SULF2: variants seen among roughly 807,000 people sequenced by gnomAD.
SULF2 encodes extracellular sulfatase Sulf-2.
A neutral mutation model predicts 107.7 loss-of-function variants in SULF2; 52 were observed. That is an observed-to-expected ratio of 0.48 (90% CI 0.39 to 0.61). The LOEUF (loss-of-function observed/expected upper bound fraction) is 0.61. SULF2 is among the 20% of genes least tolerant of loss of function. The probability of loss-of-function intolerance (pLI) is 0.00; values close to 1 mark genes in which losing one functional copy is unlikely to be tolerated. For missense variants in SULF2, 993 were observed against 1,177.3 expected (o/e 0.84, Z 2.29); for synonymous variants, 460 against 464.3 (o/e 0.99, Z 0.12).
At chr20:47,702,239 T>G (rs772304093) in intron 4 of SULF2, among the ~76,000 whole-genome samples, 118 of 152,244 alleles carry the variant, frequency 7.8e-4, no homozygotes, top group Non-Finnish European at 1.5e-3. Context: ...TGTATTTTTT[T>G]CGTACAGACA....
At chr20:47,765,093 T>C (rs1174106499) in intron 1 of SULF2, among the ~76,000 whole-genome samples, 10 of 152,146 alleles carry the variant, frequency 6.6e-5, no homozygotes. Context: ...AGCTCACGTC[T>C]GTAATCCCAG....
At chr20:47,668,846 C>G (rs753957799) in intron 11 of SULF2, among the ~76,000 whole-genome samples, 2 of 152,170 alleles carry the variant, frequency 1.3e-5, no homozygotes. Flanking sequence ...TCACCACCCT[C>G]GGCCACACCG....
At chr20:47,697,797 C>T (rs182278017) in intron 4 of SULF2, among the ~76,000 whole-genome samples, 1 of 152,332 alleles carries the variant, frequency 6.6e-6, no homozygotes, top group African/African-American at 2.4e-5. Flanking sequence ...CCAAAAGAAT[C>T]CTGAGCACCC....
At chr20:47,723,618 C>T (rs1165885444) in intron 3 of SULF2, among the ~76,000 whole-genome samples, 1 of 152,182 alleles carries the variant, frequency 6.6e-6, no homozygotes, top group African/African-American at 2.4e-5. Context: ...ATCAGATCAG[C>T]AGCAGATTAT....
chr20:47,659,843 A>G (rs1371141311), intron 18 of SULF2, 113 bp from the exon 19 acceptor site: 1 of 779,950 alleles, frequency 1.3e-6, no homozygotes, highest in Non-Finnish European at 2.2e-6. Flanking sequence ...TGATGCTGAT[A>G]GTGTTCCCTA....
chr20:47,694,235 C>G lies in SULF2; in HGVS notation c.568-3940G>C, dbSNP rs759048178. On this transcript the variant is annotated intron_variant, in intron 4 of 20. Coordinates refer to ENST00000688720, the MANE Select transcript of SULF2 (RefSeq NM_001387048.1). The surrounding 1 kb of genome is among the most constrained non-coding windows in gnomAD (Gnocchi z 4.4). ...GAACAGGAGGCCTGGGCCAGGGTGG[C>G]GGGGGCAGCATCCAGCGATGCTCAG... Among the ~76,000 whole-genome samples the G allele has an allele frequency of 2.0e-5, 3 of 151,980 alleles. No individual in the cohort carries two copies. The highest frequency in any genetic ancestry group is 7.3e-5 in the African/African-American group (3 of 41,368).
At chr20:47,668,206 A>C (rs2087340977) in intron 11 of SULF2, among the ~76,000 whole-genome samples, 1 of 151,996 alleles carries the variant, frequency 6.6e-6, no homozygotes, top group Non-Finnish European at 1.5e-5. Flanking sequence ...TCCACCCTCC[A>C]TCTCCCAGCT....
At position 47,785,435 on chromosome 20, in the gene SULF2, G is replaced by GCGCCGC. The variant is rs1299151537; in HGVS notation, c.-199_-194dup. 1.9e-4 allele frequency: 29 copies of GCGCCGC among 151,646 alleles called. No homozygotes were observed. The highest frequency in any genetic ancestry group is 4.7e-4 in the African/African-American group (18 of 38,268). 9.4% of individuals were successfully genotyped at this position (151,646 alleles called of 1,614,324 possible). The stretch of plus-strand genomic sequence containing the variant: ...CGGGCCGCTGGGCGCAGGGGACTCC[G>GCGCCGC]CGCCGCCGCTGCCGCTGCCGCCGCC... On this transcript the variant is annotated 5_prime_UTR_variant, in exon 1 of 21. Transcript: ENST00000688720.
intron 2 of SULF2, among the ~76,000 whole-genome samples, chr20:47,740,329 G>A (rs1273140863): frequency 6.6e-6 from 1 of 152,216 alleles, no homozygotes; most frequent in Admixed American, 6.5e-5. Flanking sequence ...AGTCACACGG[G>A]AGGTGGTAAC....
chr20:47,716,419 T>A (rs1299245169), intron 3 of SULF2, among the ~76,000 whole-genome samples: 1 of 152,052 alleles, frequency 6.6e-6, no homozygotes, highest in Non-Finnish European at 1.5e-5. Flanking sequence ...GCAGGAGAAC[T>A]GCTTGAACCC....
chr20:47,674,490 G>T (rs764161779), intron 10 of SULF2, among the ~76,000 whole-genome samples: 1 of 152,180 alleles, frequency 6.6e-6, no homozygotes, highest in Admixed American at 6.5e-5. Context: ...CTCACGTGTT[G>T]CCCGTGATGA....
chr20:47,724,197 G>A (rs747870391), intron 3 of SULF2, among the ~76,000 whole-genome samples: 9 of 152,230 alleles, frequency 5.9e-5, no homozygotes, highest in Non-Finnish European at 1.0e-4. Flanking sequence ...GTTTTCAGCC[G>A]GAAGTGATGT....
intron 4 of SULF2, among the ~76,000 whole-genome samples, chr20:47,693,102 T>C (rs2088252464): frequency 6.6e-6 from 1 of 152,204 alleles, no homozygotes; most frequent in Admixed American, 6.5e-5. Context: ...AAAACAATTT[T>C]ATAAGGGGGC....
intron 10 of SULF2, among the ~76,000 whole-genome samples, chr20:47,674,969 G>A (rs538345708): frequency 8.5e-5 from 13 of 152,318 alleles, no homozygotes; most frequent in African/African-American, 2.4e-4. Flanking sequence ...GCTGGCCTAG[G>A]CTAAGTGCCC....
chr20:47,663,502 C>T lies in SULF2; in HGVS notation c.2178G>A (p.Thr726=), dbSNP rs1037222314. ...AGTGCTGGTTGTCGTGGGTGAAGCA[C>T]GTGAGGCCTGGCATGCTGCACGTGT... is the stretch of plus-strand genomic sequence containing the variant. The part of the protein sequence containing the change: ...NNDTCSMPGL[T]CFTHDNQHWQ... The change falls in exon 16 of 21, where the codon ACG becomes ACA. Residue 726 remains threonine (T), a synonymous_variant. Coordinates refer to ENST00000688720, the MANE Select transcript of SULF2 (RefSeq NM_001387048.1). 2.1e-5 allele frequency: 34 copies of T among 1,611,946 alleles called. No homozygotes were observed. The highest frequency in any genetic ancestry group is 5.0e-5 in the Admixed American group (3 of 60,008).
chr20:47,687,777 A>G (rs2088061959), intron 5 of SULF2, among the ~76,000 whole-genome samples: 1 of 151,288 alleles, frequency 6.6e-6, no homozygotes, highest in South Asian at 2.1e-4. Flanking sequence ...GCGCAATCAT[A>G]GCTCACTGCA....
chr20:47,697,003 A>C (rs1303457403), intron 4 of SULF2, among the ~76,000 whole-genome samples: 1 of 152,178 alleles, frequency 6.6e-6, no homozygotes, highest in African/African-American at 2.4e-5. Flanking sequence ...AGAAGTGTAC[A>C]CGCTGCGGCA....
intron 7 of SULF2, among the ~76,000 whole-genome samples, chr20:47,681,575 C>T (rs1419556344): frequency 6.6e-6 from 1 of 152,202 alleles, no homozygotes; most frequent in African/African-American, 2.4e-5. Context: ...CCAGCCCCTT[C>T]CCTTACTTGC....
At chr20:47,745,564 T>C (rs2146843358) in intron 2 of SULF2, among the ~76,000 whole-genome samples, 1 of 151,310 alleles carries the variant, frequency 6.6e-6, no homozygotes, top group Admixed American at 6.6e-5. Flanking sequence ...GTTTCTCTCT[T>C]GTCACCCAGG....
Sources: allele counts gnomAD v4.1 joint callset (sites outside exome capture counted in the v4.1 genomes callset), GRCh38; gene constraint gnomAD v4.1.1; non-coding constraint Gnocchi (gnomAD v3.1); transcripts MANE v1.5; gene names NCBI Gene and HGNC (gene_info 2026-07-23, HGNC 2026-07-21).